Variants in EFNA5 observed in about 807,000 individuals in gnomAD.
EFNA5 encodes ephrin A5, also known as ephrin-A5.
A neutral mutation model predicts 22.9 loss-of-function variants in EFNA5; 5 were observed. That is an observed-to-expected ratio of 0.22 (90% confidence interval 0.11 to 0.46). The LOEUF (loss-of-function observed/expected upper bound fraction) is 0.46, where lower values mean the gene tolerates loss of function less well. EFNA5 is among the 20% of genes least tolerant of loss of function. The pLI is 0.99. For synonymous variants in EFNA5, 113 were observed against 112.2 expected, an observed-to-expected ratio of 1.01 and a Z score of -0.04; for missense variants, 237 against 293.3, an observed-to-expected ratio of 0.81 and a Z score of 1.40.
At position 107,546,651 on chromosome 5, in the gene EFNA5, A is replaced by AACACACAC. The variant is rs767896375; in HGVS notation, c.126-119150_126-119143dup. On this transcript the variant is annotated intron_variant, in intron 1 of 4. Coordinates refer to ENST00000333274, the MANE Select transcript of EFNA5 (RefSeq NM_001962.3). Reference sequence around the variant, plus strand: ...AGTTGAAGGTTTTTCTGGTGCGTAAAACACACACACACACACACACACACA... The same window carrying AACACACAC: ...AGTTGAAGGTTTTTCTGGTGCGTAAAACACACACACACACACACACACACACACACACA... Among the ~76,000 whole-genome samples the AACACACAC allele has an allele frequency of 5.1e-3, 613 of 121,346 alleles. 5 individuals are homozygous for AACACACAC. Among genetic ancestry groups the AACACACAC allele is most frequent in the Middle Eastern group, 0.024 (6 of 246 alleles). 79.6% of individuals were successfully genotyped at this position (121,346 alleles called of 152,430 possible). A position where few individuals can be genotyped will look rare whatever the true frequency, so the allele number is the denominator to read the frequency against.
At chr5:107,608,365 T>C in intron 1 of EFNA5, among the ~76,000 whole-genome samples, 1 of 152,180 alleles carries the variant, frequency 6.6e-6, no homozygotes, top group East Asian at 1.9e-4. Context: ...CAGATTCCCA[T>C]GCTGTGGTCC....
chr5:107,589,201 G>A (rs1406376672), intron 1 of EFNA5, among the ~76,000 whole-genome samples: 2 of 152,170 alleles, frequency 1.3e-5, no homozygotes, highest in South Asian at 4.1e-4. Flanking sequence ...TGCTTGACAA[G>A]GGAAAGCAGG....
In EFNA5 at chr5:107,648,871, G is replaced by A. The variant is rs562737779; in HGVS notation, c.125+21618C>T. ...GAAAACTTCTGTGTCCTCTTCAAAA[G>A]TTTACACAATGTAAATATGTATGTA... is the stretch of plus-strand genomic sequence containing the variant. On this transcript the variant is annotated intron_variant, in intron 1 of 4. Coordinates refer to ENST00000333274, the MANE Select transcript of EFNA5 (RefSeq NM_001962.3). Among the ~76,000 whole-genome samples, 22 of 152,226 alleles carry A rather than the reference G, an allele frequency of 1.4e-4. No individual in the cohort carries two copies. In the South Asian group the frequency reaches 4.6e-3, roughly 32 times the overall value.
chr5:107,602,530 C>T (rs910904751), intron 1 of EFNA5, among the ~76,000 whole-genome samples: 6 of 152,172 alleles, frequency 3.9e-5, no homozygotes, highest in African/African-American at 1.4e-4. Flanking sequence ...AACAAACGAA[C>T]ATTCAAGCTA....
chr5:107,481,849 C>T (rs201064660), intron 1 of EFNA5, among the ~76,000 whole-genome samples: 6 of 119,862 alleles, frequency 5.0e-5, no homozygotes, highest in Non-Finnish European at 1.1e-4. Context: ...GACTCCATCT[C>T]AAAAAAAAAA....
rs1258210473 is a variant in EFNA5, at chr5:107,440,916, CTTG to C, written c.126-13410_126-13408del. Reference sequence around the variant, plus strand: ...TTATTTACAGAATAGGATAATTTTACTTGTTGATGTTTTAATTCAACATCTGGG... The same window carrying C: ...TTATTTACAGAATAGGATAATTTTACTTGATGTTTTAATTCAACATCTGGG... On this transcript the variant is annotated intron_variant, in intron 1 of 4. Transcript: ENST00000333274. 3.3e-5 allele frequency among the ~76,000 whole-genome samples: 5 copies of C among 151,944 alleles called. No individual in the cohort carries two copies. The East Asian group carries it at 7.7e-4, about 23-fold the overall frequency.
chr5:107,572,413 C>T (rs1748833230), intron 1 of EFNA5, among the ~76,000 whole-genome samples: 1 of 152,084 alleles, frequency 6.6e-6, no homozygotes, highest in Non-Finnish European at 1.5e-5. Flanking sequence ...TCCAAGCAAG[C>T]TGAAAAGAAT....
At chr5:107,394,255 C>G (rs1338682531) in intron 2 of EFNA5, among the ~76,000 whole-genome samples, 1 of 152,174 alleles carries the variant, frequency 6.6e-6, no homozygotes, top group Non-Finnish European at 1.5e-5. Context: ...CACATTTCTT[C>G]TCTTGCAGCC....
intron 1 of EFNA5, among the ~76,000 whole-genome samples, chr5:107,588,704 C>T (rs1749247678): frequency 6.6e-6 from 1 of 152,174 alleles, no homozygotes; most frequent in Non-Finnish European, 1.5e-5. Flanking sequence ...CATTTAGCAA[C>T]TGTTAGTGCC....
At chr5:107,619,367 C>A (rs1275400074) in intron 1 of EFNA5, among the ~76,000 whole-genome samples, 1 of 152,030 alleles carries the variant, frequency 6.6e-6, no homozygotes, top group African/African-American at 2.4e-5. Context: ...GCAAGCCTTG[C>A]CAAATAAAAT....
intron 1 of EFNA5, among the ~76,000 whole-genome samples, chr5:107,536,936 C>T (rs1747942251): frequency 6.6e-6 from 1 of 151,612 alleles, no homozygotes; most frequent in Non-Finnish European, 1.5e-5. Context: ...GAAACCCTGT[C>T]TCTACTAACA....
intron 1 of EFNA5, among the ~76,000 whole-genome samples, chr5:107,591,940 ATATT>A (rs1403781529): frequency 3.6e-4 from 8 of 22,158 alleles, no homozygotes; most frequent in Non-Finnish European, 5.3e-4. Context: ...TATAATATAT[ATATT>A]ATATATAATA....
intron 1 of EFNA5, among the ~76,000 whole-genome samples, chr5:107,440,583 T>C (rs1358921023): frequency 6.6e-6 from 1 of 152,170 alleles, no homozygotes; most frequent in East Asian, 1.9e-4. Flanking sequence ...CCATGAAAAC[T>C]CAGCACTGTC....
chr5:107,428,932 G>C (rs896042815), intron 1 of EFNA5, among the ~76,000 whole-genome samples: 1 of 152,146 alleles, frequency 6.6e-6, no homozygotes, highest in African/African-American at 2.4e-5. Flanking sequence ...CAAGATGTCA[G>C]CTATATCTCT....
At chr5:107,470,119 C>T (rs1413863901) in intron 1 of EFNA5, among the ~76,000 whole-genome samples, 3 of 152,120 alleles carry the variant, frequency 2.0e-5, no homozygotes, top group Non-Finnish European at 4.4e-5. Context: ...GGCTCTGAAA[C>T]TCACATACAC....
At chr5:107,481,562 G>C (rs1750461465) in intron 1 of EFNA5, among the ~76,000 whole-genome samples, 1 of 152,102 alleles carries the variant, frequency 6.6e-6, no homozygotes, top group Non-Finnish European at 1.5e-5. Context: ...AAAAGAAACT[G>C]AAAAGAATGC....
At chr5:107,637,518 C>CTG (rs987029187) in intron 1 of EFNA5, among the ~76,000 whole-genome samples, 609 of 143,538 alleles carry the variant, frequency 4.2e-3, no homozygotes, top group East Asian at 0.013. Context: ...GTGTGTGTGT[C>CTG]TGTGTGTGTG....
chr5:107,459,673 C>T (rs1231775299), intron 1 of EFNA5, among the ~76,000 whole-genome samples: 2 of 152,094 alleles, frequency 1.3e-5, no homozygotes, highest in Non-Finnish European at 2.9e-5. Context: ...AGAGTTTCTT[C>T]CTCTGCTCCA....
chr5:107,607,433 A>C (rs1749747275), intron 1 of EFNA5, among the ~76,000 whole-genome samples: 1 of 152,090 alleles, frequency 6.6e-6, no homozygotes, highest in Non-Finnish European at 1.5e-5. Flanking sequence ...ACCTTAAAAA[A>C]CCTGTTTTAA....
Sources: gnomAD v4.1 joint callset for allele counts (sites outside exome capture counted in the v4.1 genomes callset) on GRCh38, gnomAD v4.1.1 for gene constraint, MANE v1.5 for transcripts, NCBI Gene and HGNC (gene_info 2026-07-23, HGNC 2026-07-21) for gene names.